Variants in ANO7 observed in about 807,000 individuals in gnomAD.
The protein encoded by ANO7 is anoctamin-7.
A neutral mutation model predicts 115.8 loss-of-function variants in ANO7; 114 were observed. That is an observed-to-expected ratio of 0.98 (90% CI 0.85 to 1.15). The LOEUF is 1.15. ANO7 is among the 50% of genes most tolerant of loss of function. ANO7 has a pLI of 0.00. For synonymous variants in ANO7, 550 were observed against 498.2 expected, an observed-to-expected ratio of 1.10 and a Z score of -1.38; for missense variants, 1,302 against 1,201.2, an observed-to-expected ratio of 1.08 and a Z score of -1.24.
the ANO7 span, chr2:241,236,584 G>T: frequency 1.2e-6 from 2 of 1,607,968 alleles, no homozygotes; most frequent in African/African-American, 1.3e-5. Context: ...GGGCCTTGGC[G>T]GGGGGTGGAG....
chr2:241,203,477 G>A lies in ANO7; in HGVS notation c.868G>A (p.Ala290Thr), dbSNP rs369129557. The change falls in exon 9 of 25, where the codon GCC becomes ACC. Residue 290 changes from alanine (A) to threonine (T), a missense_variant. Transcript: ENST00000674324. This position sits in a 1 kb window ranked among gnomAD's most constrained non-coding sequence, Gnocchi z 4.8. ...GCGCAGGTACTTCGGGGAGAAGGTG[G>A]CCCTCTACTTCGCCTGGCTCGGTGA... Reference protein sequence around the residue: ...HVRRYFGEKVALYFAWLGFYT... With the variant: ...HVRRYFGEKVTLYFAWLGFYT... 13 of 1,545,400 alleles carry A rather than the reference G, an allele frequency of 8.4e-6. 1 individual carries two copies. Among genetic ancestry groups the A allele is most frequent in the South Asian group, 1.2e-5 (1 of 82,008 alleles).
intron 8 of ANO7, among the ~76,000 whole-genome samples, chr2:241,202,560 C>T (rs1482076238): frequency 6.6e-6 from 1 of 152,240 alleles, no homozygotes; most frequent in African/African-American, 2.4e-5. Flanking sequence ...GGTCCCTGGG[C>T]TCTAGATGCT....
At chr2:241,239,582 C>G in the ANO7 span, 1 of 1,606,692 alleles carries the variant, frequency 6.2e-7, no homozygotes, top group Non-Finnish European at 8.5e-7. The surrounding 1 kb of genome is among the most constrained non-coding windows in gnomAD (Gnocchi z 4.6). Flanking sequence ...GAACCCCTCC[C>G]CGAGCACCCA....
chr2:241,188,713 C>G lies in ANO7; in HGVS notation c.-61C>G, dbSNP rs764664746. 6.2e-7 allele frequency: 1 copy of G among 1,613,636 alleles called. No homozygotes were observed. The highest frequency in any genetic ancestry group is 1.1e-5 in the South Asian group (1 of 91,064). ...GACTCTACTGCCGAGACCAGGCTCA[C>G]GCTGAGAGGTGGGCCATGACCTCCG... On this transcript the variant is annotated 5_prime_UTR_variant, in exon 1 of 25. Transcript: ENST00000674324. This position sits in a 1 kb window ranked among gnomAD's most constrained non-coding sequence, Gnocchi z 4.3.
chr2:241,190,354 T>G lies in ANO7; in HGVS notation c.108+183T>G, dbSNP rs4675985. Among the ~76,000 whole-genome samples, 49,733 of 152,024 alleles carry G rather than the reference T, an allele frequency of 0.33. 8,434 individuals are homozygous for G. The highest frequency in any genetic ancestry group is 0.49 in the East Asian group (2,538 of 5,156). Reference sequence around the variant, plus strand: ...AACACACACAGTCAGATCACCGCTCTCCTGGCCTGGCCTGGCTGTGGAGAA... The same window carrying G: ...AACACACACAGTCAGATCACCGCTCGCCTGGCCTGGCCTGGCTGTGGAGAA... On this transcript the variant is annotated intron_variant, in intron 2 of 24. Coordinates refer to ENST00000674324, the MANE Select transcript of ANO7 (RefSeq NM_001370694.2).
At chr2:241,237,504 G>A in the ANO7 span, among the ~76,000 whole-genome samples, 7 of 152,174 alleles carry the variant, frequency 4.6e-5, no homozygotes, top group East Asian at 3.8e-4. Flanking sequence ...CCAGACAGAC[G>A]CCTGCCTGAA....
intron 13 of ANO7, 87 bp downstream of exon 13, chr2:241,209,722 TG>T: frequency 6.8e-7 from 1 of 1,470,100 alleles, no homozygotes; most frequent in Non-Finnish European, 9.0e-7. Context: ...CTTGGTGCCG[TG>T]GCCAGATGCC....
At chr2:241,235,465 A>G in the ANO7 span, 4 of 1,569,030 alleles carry the variant, frequency 2.5e-6, 1 homozygote, top group South Asian at 4.4e-5. Context: ...CTCCTGTGAC[A>G]TGGCCTCCCG....
downstream of ANO7, chr2:241,228,663 G>GCACTC (rs1359095422): frequency 6.5e-6 from 1 of 152,694 alleles, no homozygotes; most frequent in African/African-American, 2.4e-5. Context: ...GGCACTAACT[G>GCACTC]CACAGAGACC....
intron 4 of ANO7, chr2:241,196,164 C>A (rs997266503): frequency 1.6e-6 from 2 of 1,282,960 alleles, no homozygotes; most frequent in Non-Finnish European, 2.0e-6. Flanking sequence ...TTTGGGTAGG[C>A]GTGTCATTTG....
chr2:241,229,307 C>A (rs947515663), downstream of ANO7: 10 of 338,934 alleles, frequency 3.0e-5, no homozygotes, highest in Admixed American at 4.6e-4. Flanking sequence ...TGATGAAGGC[C>A]AGAGTGCTGA....
Position 241,203,852 on chromosome 2 carries a change from G to A in ANO7, c.889+354G>A, listed in dbSNP as rs549483344. On this transcript the variant is annotated intron_variant, in intron 9 of 24. Transcript: ENST00000674324. This position sits in a 1 kb window ranked among gnomAD's most constrained non-coding sequence, Gnocchi z 4.8. ...GGGAGGTCGCCCCTGCCTGGGTCCA[G>A]GCCAAGCCTCTCATCTCCTCCAAGC... is the stretch of plus-strand genomic sequence containing the variant. Among the ~76,000 whole-genome samples the A allele has an allele frequency of 6.6e-6, 1 of 152,112 alleles. No homozygotes were observed. Among genetic ancestry groups the A allele is most frequent in the South Asian group, 2.1e-4 (1 of 4,818 alleles).
rs373512907 is a variant in ANO7, at chr2:241,207,705, G to A, written c.1077+35G>A. On this transcript the variant is annotated intron_variant, in intron 11 of 24. Transcript: ENST00000674324. Reference sequence around the variant, plus strand: ...GAGGTGGGTGGGGTAAGGGATTTGAGAGTCGGGGATGAGGAGGGCAGCTCC... The same window carrying A: ...GAGGTGGGTGGGGTAAGGGATTTGAAAGTCGGGGATGAGGAGGGCAGCTCC... The A allele has an allele frequency of 4.7e-5, 75 of 1,599,040 alleles. No individual in the cohort carries two copies. In the African/African-American group the frequency reaches 9.5e-4, roughly 20 times the overall value.
rs2068310384 is a variant in ANO7, at chr2:241,195,758, T to C, written c.222T>C (p.Ser74=). ...TGAAGCTAGACAGGCAGCAGGACAG[T>C]GCCGCCCGGGACAGAACAGACATGC... The part of the protein sequence containing the change: ...EDLKLDRQQD[S]AARDRTDMHR... Residue 74 remains serine (S), a synonymous_variant, in exon 4 of 25, where the codon AGT becomes AGC. Transcript: ENST00000674324. 3 of 1,614,136 alleles carry C rather than the reference T, an allele frequency of 1.9e-6. No homozygotes were observed. The highest frequency in any genetic ancestry group is 1.7e-5 in the Admixed American group (1 of 60,016).
Position 241,191,207 on chromosome 2 carries a change from A to G in ANO7, c.122A>G (p.Gln41Arg). 1.9e-6 allele frequency: 3 copies of G among 1,613,910 alleles called. No homozygotes were observed. Among genetic ancestry groups the G allele is most frequent in the Non-Finnish European group, 2.5e-6 (3 of 1,179,984 alleles). ...TAHASEPGGQ[Q>R]AAACRAGSPA... ...CATGCCTTCCAGCCAGGTGGACAGCAAGCGGCCGCCTGCAGAGCTGGGAGT... is the reference window on the plus strand; with the variant it reads ...CATGCCTTCCAGCCAGGTGGACAGCGAGCGGCCGCCTGCAGAGCTGGGAGT... The change falls in exon 3 of 25, where the codon CAA becomes CGA. Residue 41 changes from glutamine (Q) to arginine (R), a missense_variant. Physicochemically the swap from Gln to Arg is conservative, Grantham distance 43 (BLOSUM62 1). Transcript: ENST00000674324.
intron 5 of ANO7, 139 bp from the exon 6 acceptor site, chr2:241,199,950 C>G: frequency 3.0e-6 from 3 of 989,730 alleles, no homozygotes; most frequent in Non-Finnish European, 4.4e-6. Context: ...TGGGCCCTCA[C>G]AGGGTCTACC....
the ANO7 span, among the ~76,000 whole-genome samples, chr2:241,232,419 G>A: frequency 8.5e-5 from 13 of 152,228 alleles, no homozygotes; most frequent in African/African-American, 3.1e-4. Flanking sequence ...GGGATTACAG[G>A]TGCACGCGAC....
the ANO7 span, chr2:241,240,052 C>A: frequency 6.2e-7 from 1 of 1,614,190 alleles, no homozygotes; most frequent in Non-Finnish European, 8.5e-7. This position sits in a 1 kb window ranked among gnomAD's most constrained non-coding sequence, Gnocchi z 5.5. Context: ...AATTTTGCCG[C>A]CCCCCTTGCC....
intron 3 of ANO7, among the ~76,000 whole-genome samples, chr2:241,193,276 G>C (rs2068247353): frequency 6.6e-6 from 1 of 152,074 alleles, no homozygotes. Context: ...CGCCATGTTG[G>C]TTGGGCAGGT....
Sources: gnomAD v4.1 joint callset for allele counts (sites outside exome capture counted in the v4.1 genomes callset) on GRCh38, gnomAD v4.1.1 for gene constraint, Gnocchi (gnomAD v3.1) non-coding constraint, MANE v1.5 for transcripts, NCBI Gene and HGNC (gene_info 2026-07-23, HGNC 2026-07-21) for gene names.